The following JAKMIP3 variants were observed in gnomAD, a reference collection of about 807,000 sequenced individuals.
The protein encoded by JAKMIP3 is janus kinase and microtubule-interacting protein 3.
A neutral mutation model predicts 118.5 loss-of-function variants in JAKMIP3; 58 were observed. The ratio of observed to expected loss-of-function variants is 0.49; its 90% CI spans 0.40 to 0.61. The LOEUF (loss-of-function observed/expected upper bound fraction) is 0.61, where lower values mean the gene tolerates loss of function less well. JAKMIP3 is among the 20% of genes least tolerant of loss of function. The pLI, the probability that JAKMIP3 is intolerant of heterozygous loss-of-function variation, is 0.00. For missense variants in JAKMIP3, 950 were observed against 1,109.0 expected (o/e 0.86, Z 2.04); for synonymous variants, 486 against 451.2 (o/e 1.08, Z -0.98).
At chr10:132,055,588 C>T (rs1376754680) in intron 1 of JAKMIP3, among the ~76,000 whole-genome samples, 3 of 152,184 alleles carry the variant, frequency 2.0e-5, no homozygotes, top group Non-Finnish European at 2.9e-5. Flanking sequence ...TGTGTGTGCG[C>T]AGTTTGCCCG....
intron 3 of JAKMIP3, among the ~76,000 whole-genome samples, chr10:132,121,827 A>G (rs7924205): frequency 0.19 from 28,197 of 152,084 alleles, 2,635 homozygotes; most frequent in East Asian, 0.25. Flanking sequence ...CGCTGCTTCT[A>G]TGGGGTGGAA....
At position 132,047,898 on chromosome 10, in the gene JAKMIP3, G is replaced by A. The variant is rs573125689; in HGVS notation, c.-138+11160G>A. Among the ~76,000 whole-genome samples, 7 of 151,886 alleles carry A rather than the reference G, an allele frequency of 4.6e-5. No homozygotes were observed. In the South Asian group the frequency reaches 6.3e-4, roughly 14 times the overall value. ...CCCGCCCCGCCCCCCGCGAGCTGAC[G>A]GTGCATGGAGCTGGGGTGCGCGGAG... On this transcript the variant is annotated intron_variant, in intron 1 of 23. Transcript: ENST00000657785.
intron 2 of JAKMIP3, among the ~76,000 whole-genome samples, chr10:132,110,682 G>A (rs1589836464): frequency 6.6e-6 from 1 of 152,248 alleles, no homozygotes; most frequent in Admixed American, 6.5e-5. Flanking sequence ...AGGAAGACTT[G>A]AGCAGACTGA....
chr10:132,068,559 C>A (rs528258328), intron 1 of JAKMIP3, among the ~76,000 whole-genome samples: 73 of 152,330 alleles, frequency 4.8e-4, no homozygotes, highest in Non-Finnish European at 7.9e-4. Context: ...TCTGGCACCC[C>A]AAGCTGGGCT....
At chr10:132,137,596 C>T (rs12415529) in intron 8 of JAKMIP3, among the ~76,000 whole-genome samples, 15,683 of 152,206 alleles carry the variant, frequency 0.1, 1,168 homozygotes, top group East Asian at 0.29. Flanking sequence ...GGCTGCTCAC[C>T]CCACCATGCC....
At chr10:132,170,711 G>A (rs1049351220) in intron 23 of JAKMIP3, among the ~76,000 whole-genome samples, 1 of 152,204 alleles carries the variant, frequency 6.6e-6, no homozygotes, top group Non-Finnish European at 1.5e-5. Context: ...GCAGCCGGCC[G>A]CCAACGTGCA....
upstream of JAKMIP3, among the ~76,000 whole-genome samples, chr10:132,063,177 G>A (rs1214760591): frequency 6.6e-6 from 1 of 152,192 alleles, no homozygotes; most frequent in Non-Finnish European, 1.5e-5. Flanking sequence ...AGGGAAGCCA[G>A]GGACGGGCTG....
At chr10:132,050,525 A>C (rs139088840) in intron 1 of JAKMIP3, among the ~76,000 whole-genome samples, 2 of 152,244 alleles carry the variant, frequency 1.3e-5, no homozygotes, top group East Asian at 3.9e-4. Context: ...TCAGTTACTT[A>C]GCAGTTTTTG....
At position 132,117,606 on chromosome 10, in the gene JAKMIP3, AGGGTGCAGGGGCGGGCGTGGGCG is replaced by A. The variant is rs2047894322; in HGVS notation, c.633+33_633+55del. 2.1e-5 allele frequency: 9 copies of A among 423,888 alleles called. No individual in the cohort carries two copies. Among genetic ancestry groups the A allele is most frequent in the East Asian group, 2.8e-4 (2 of 7,032 alleles). The allele number at this position is 423,888 out of a possible 1,614,324, so 26.3% of individuals were successfully genotyped here. On this transcript the variant is annotated intron_variant, in intron 3 of 23. Transcript: ENST00000684848. This position sits in a 1 kb window ranked among gnomAD's most constrained non-coding sequence, Gnocchi z 8.6. Reference sequence around the variant, plus strand: ...GGGCAGGCAGGGGCGGGCGTGGGCGAGGGTGCAGGGGCGGGCGTGGGCGAGGGTGCAGGGGCGGGCGTGGGCGA... The same window carrying A: ...GGGCAGGCAGGGGCGGGCGTGGGCGAAGGGTGCAGGGGCGGGCGTGGGCGA...
chr10:132,092,126 C>G (rs1025026193), intron 1 of JAKMIP3, among the ~76,000 whole-genome samples: 1 of 152,066 alleles, frequency 6.6e-6, no homozygotes, highest in Non-Finnish European at 1.5e-5. Context: ...GAGTTTCTGC[C>G]GAGAGATCCA....
chr10:132,163,305 C>T lies in JAKMIP3; in HGVS notation c.2317C>T (p.Leu773Phe), dbSNP rs370317405. The T allele has an allele frequency of 2.5e-6, 4 of 1,607,228 alleles. No individual in the cohort carries two copies. The African/African-American group carries it at 4.0e-5, about 16-fold the overall frequency. Residue 773 changes from leucine (L) to phenylalanine (F), a missense_variant, in exon 20 of 24, where the codon CTC becomes TTC. Coordinates refer to ENST00000684848, the MANE Select transcript of JAKMIP3 (RefSeq NM_001323087.2). ...ELLSEEEREK[L>F]KVAVEQWKRQ... ...GCTGTCAGAGGAGGAGCGCGAGAAG[C>T]TCAAGGTGGCCGTGGAGCAGTGGAA... is the stretch of plus-strand genomic sequence containing the variant.
chr10:132,135,184 G>A (rs770622840), intron 5 of JAKMIP3, 24 bp downstream of exon 5: 2 of 1,583,010 alleles, frequency 1.3e-6, no homozygotes, highest in Non-Finnish European at 1.7e-6. Context: ...GGGGCTTCTG[G>A]CTCCTGGGGG....
intron 3 of JAKMIP3, among the ~76,000 whole-genome samples, chr10:132,123,061 G>A (rs566802792): frequency 6.6e-6 from 1 of 152,326 alleles, no homozygotes; most frequent in South Asian, 2.1e-4. Context: ...CCCACTCTGT[G>A]CTCCTGGAGA....
At chr10:132,165,348 G>A (rs1055508841) in intron 21 of JAKMIP3, among the ~76,000 whole-genome samples, 5 of 152,192 alleles carry the variant, frequency 3.3e-5, no homozygotes, top group East Asian at 1.9e-4. Context: ...GCCTGCAGGC[G>A]TTCAGGGCAG....
chr10:132,120,915 AGGCAGGTGTGT>A (rs1264892682), intron 3 of JAKMIP3, among the ~76,000 whole-genome samples: 1 of 152,232 alleles, frequency 6.6e-6, no homozygotes, highest in Admixed American at 6.5e-5. Context: ...TGGGAGAGCC[AGGCAGGTGTGT>A]GGCCGCTCGA....
chr10:132,068,071 AC>A (rs2039184797), intron 1 of JAKMIP3, among the ~76,000 whole-genome samples: 2 of 24,744 alleles, frequency 8.1e-5, no homozygotes, highest in African/African-American at 1.3e-4. Flanking sequence ...TTCCGTGTGG[AC>A]TGTGGGTTTC....
intron 3 of JAKMIP3, among the ~76,000 whole-genome samples, chr10:132,131,739 A>C (rs962998856): frequency 6.6e-6 from 1 of 151,886 alleles, no homozygotes; most frequent in Non-Finnish European, 1.5e-5. Flanking sequence ...TCAGCTTTGA[A>C]CGTCCCGTGT....
intron 2 of JAKMIP3, among the ~76,000 whole-genome samples, chr10:132,115,315 G>A (rs2047469674): frequency 6.6e-6 from 1 of 152,206 alleles, no homozygotes; most frequent in Non-Finnish European, 1.5e-5. Context: ...CATGGTTGGG[G>A]TCATGCCAGT....
At chr10:132,109,556 C>T (rs534042473) in intron 2 of JAKMIP3, among the ~76,000 whole-genome samples, 3 of 152,270 alleles carry the variant, frequency 2.0e-5, no homozygotes, top group African/African-American at 4.8e-5. Flanking sequence ...GTCTCACAGA[C>T]GGTAGTGAGA....
Sources: gnomAD v4.1 joint callset for allele counts (sites outside exome capture counted in the v4.1 genomes callset) on GRCh38, gnomAD v4.1.1 for gene constraint, Gnocchi (gnomAD v3.1) non-coding constraint, MANE v1.5 for transcripts, NCBI Gene and HGNC (gene_info 2026-07-23, HGNC 2026-07-21) for gene names.